DNAH11: variants seen among roughly 807,000 people sequenced by gnomAD.
DNAH11 encodes the protein dynein axonemal heavy chain 11.
A neutral mutation model predicts 526.0 loss-of-function variants in DNAH11; 442 were observed. That is an observed-to-expected ratio of 0.84 (90% CI 0.78 to 0.91). The LOEUF (loss-of-function observed/expected upper bound fraction) is 0.91, where lower values mean the gene tolerates loss of function less well. Among genes scored for constraint, DNAH11 ranks in the 40% least tolerant of loss-of-function variants. The probability of loss-of-function intolerance (pLI) is 0.00; values close to 1 mark genes in which losing one functional copy is unlikely to be tolerated. For synonymous variants in DNAH11, 2,461 were observed against 1,935.9 expected (o/e 1.27, Z -7.12); for missense variants, 6,989 against 5,448.7 (o/e 1.28, Z -8.90).
At position 21,580,584 on chromosome 7, in the gene DNAH11, C is replaced by A. The variant is rs556686462; in HGVS notation, c.1594-1321C>A. On this transcript the variant is annotated intron_variant, in intron 8 of 81. Transcript: ENST00000409508. ...TTTCAGAGGCTGAGAAGTCCAAGAGCAAGGCTCCCGCAGGTTCAGTGTCTG... is the reference window on the plus strand; with the variant it reads ...TTTCAGAGGCTGAGAAGTCCAAGAGAAAGGCTCCCGCAGGTTCAGTGTCTG... 3.3e-5 allele frequency among the ~76,000 whole-genome samples: 5 copies of A among 152,288 alleles called. No homozygotes were observed. In the South Asian group the frequency reaches 8.3e-4, roughly 25 times the overall value.
intron 8 of DNAH11, among the ~76,000 whole-genome samples, chr7:21,575,565 T>C (rs1352552326): frequency 6.6e-6 from 1 of 152,246 alleles, no homozygotes; most frequent in Non-Finnish European, 1.5e-5. Flanking sequence ...TTTCATGTTT[T>C]GCCTGCCTAT....
intron 66 of DNAH11, among the ~76,000 whole-genome samples, chr7:21,843,061 C>G (rs977931769): frequency 4.6e-5 from 7 of 152,174 alleles, no homozygotes; most frequent in African/African-American, 1.4e-4. Flanking sequence ...ACTAATTTAG[C>G]CTGGGCTAAA....
intron 42 of DNAH11, among the ~76,000 whole-genome samples, chr7:21,717,094 T>C (rs779829505): frequency 6.6e-6 from 1 of 152,198 alleles, no homozygotes; most frequent in Non-Finnish European, 1.5e-5. Flanking sequence ...CCCTGTAGAC[T>C]ACTATAGGTG....
At chr7:21,642,686 C>G (rs1787181801) in intron 28 of DNAH11, among the ~76,000 whole-genome samples, 1 of 152,138 alleles carries the variant, frequency 6.6e-6, no homozygotes. Context: ...TTGTGAATGA[C>G]TTGAATTTTC....
Position 21,617,716 on chromosome 7 carries a change from C to G in DNAH11, c.4193C>G (p.Thr1398Arg), listed in dbSNP as rs757118279. The G allele has an allele frequency of 6.2e-7, 1 of 1,613,516 alleles. No homozygotes were observed. The change falls in exon 23 of 82, where the codon ACA becomes AGA. Residue 1398 changes from threonine to arginine, a missense_variant. Transcript: ENST00000409508. ...ATGACAGCCTCCCTGAGGGCCATCA[C>G]AGAGTTACAGAGCCCTGCCCTCAGG... Reference protein sequence around the residue: ...KDMTASLRAITELQSPALRDR... With the variant: ...KDMTASLRAIRELQSPALRDR...
chr7:21,790,035 C>T (rs969450119), intron 61 of DNAH11, among the ~76,000 whole-genome samples: 3 of 151,328 alleles, frequency 2.0e-5, no homozygotes, highest in East Asian at 3.9e-4. Context: ...TTAAGCCTGT[C>T]ATTCATTAGC....
chr7:21,808,028 G>C lies in DNAH11; in HGVS notation c.10311G>C (p.Trp3437Cys). 1 of 1,550,196 alleles carries C rather than the reference G, an allele frequency of 6.5e-7. No individual in the cohort carries two copies. Among genetic ancestry groups the C allele is most frequent in the Non-Finnish European group, 8.8e-7 (1 of 1,137,942 alleles). The part of the protein sequence containing the change: ...QYRQELVHCK[W>C]VPFLQQKVSI... ...GCCAGGAGCTGGTGCACTGCAAGTGGGTTCCCTTTCTTCAACAGAAGGTAA... is the reference window on the plus strand; with the variant it reads ...GCCAGGAGCTGGTGCACTGCAAGTGCGTTCCCTTTCTTCAACAGAAGGTAA... Residue 3437 changes from tryptophan (W) to cysteine (C), a missense_variant, in exon 63 of 82, where the codon TGG becomes TGC. Physicochemically the swap from Trp to Cys is radical, Grantham distance 215. Coordinates refer to ENST00000409508, the MANE Select transcript of DNAH11 (RefSeq NM_001277115.2).
At chr7:21,680,019 G>A (rs758843342) in intron 30 of DNAH11, among the ~76,000 whole-genome samples, 8 of 152,174 alleles carry the variant, frequency 5.3e-5, no homozygotes, top group South Asian at 2.1e-4. Context: ...GATCAGCAAC[G>A]TGCTTAGTCA....
At chr7:21,822,015 C>G (rs1192757543) in intron 65 of DNAH11, among the ~76,000 whole-genome samples, 1 of 152,016 alleles carries the variant, frequency 6.6e-6, no homozygotes, top group Non-Finnish European at 1.5e-5. Context: ...CCAGTTCCAT[C>G]CATGTTGCTG....
At chr7:21,866,329 A>AAC in intron 70 of DNAH11, 141 bp from the exon 71 acceptor site, 1 of 693,668 alleles carries the variant, frequency 1.4e-6, no homozygotes, top group Non-Finnish European at 2.2e-6. Context: ...GCAAAAAAAA[A>AAC]AAAAAAGGAA....
intron 8 of DNAH11, among the ~76,000 whole-genome samples, chr7:21,580,195 C>T (rs1273439615): frequency 6.6e-6 from 1 of 152,154 alleles, no homozygotes; most frequent in African/African-American, 2.4e-5. Context: ...ATATTTTTCT[C>T]TCCCTGAGAT....
chr7:21,776,041 A>G (rs968274515), intron 56 of DNAH11, among the ~76,000 whole-genome samples: 4 of 152,208 alleles, frequency 2.6e-5, no homozygotes, highest in African/African-American at 9.7e-5. Context: ...AGCCACAGGA[A>G]AAAAGAAGAG....
chr7:21,674,297 C>G (rs1782772227), intron 30 of DNAH11, among the ~76,000 whole-genome samples: 3 of 152,070 alleles, frequency 2.0e-5, no homozygotes, highest in Non-Finnish European at 2.9e-5. Context: ...CTCAGGTGAT[C>G]CACCCACCCT....
intron 81 of DNAH11, 196 bp from the exon 82 acceptor site, chr7:21,900,811 A>G: frequency 1.3e-6 from 1 of 757,846 alleles, no homozygotes; most frequent in Non-Finnish European, 2.0e-6. Flanking sequence ...GCATGGAAGC[A>G]AAGCGGTGCC....
chr7:21,701,860 T>G (rs748893656), intron 36 of DNAH11, among the ~76,000 whole-genome samples: 18 of 152,196 alleles, frequency 1.2e-4, no homozygotes, highest in Non-Finnish European at 1.8e-4. Flanking sequence ...AGGTAAAGTG[T>G]CTTTCCCATA....
chr7:21,645,113 T>C (rs763628308), intron 28 of DNAH11, among the ~76,000 whole-genome samples: 1 of 152,240 alleles, frequency 6.6e-6, no homozygotes, highest in Non-Finnish European at 1.5e-5. Context: ...AAGTAAAATA[T>C]CACTTCAATG....
intron 9 of DNAH11, among the ~76,000 whole-genome samples, chr7:21,587,560 G>T (rs1225345723): frequency 6.6e-6 from 1 of 152,122 alleles, no homozygotes; most frequent in African/African-American, 2.4e-5. Context: ...GGACACTGTT[G>T]GGGGTGGCTG....
intron 76 of DNAH11, among the ~76,000 whole-genome samples, chr7:21,884,887 A>G (rs1217063825): frequency 1.3e-5 from 2 of 152,136 alleles, no homozygotes; most frequent in Admixed American, 1.3e-4. Flanking sequence ...GTCCTAGAAA[A>G]TAGTCTACAG....
chr7:21,563,521 T>C (rs1783546512), intron 5 of DNAH11, among the ~76,000 whole-genome samples: 1 of 152,138 alleles, frequency 6.6e-6, no homozygotes, highest in Admixed American at 6.5e-5. Flanking sequence ...AAAAAATATT[T>C]ACCATGCTTA....
Sources: gnomAD v4.1 joint callset for allele counts (sites outside exome capture counted in the v4.1 genomes callset) on GRCh38, gnomAD v4.1.1 for gene constraint, MANE v1.5 for transcripts, NCBI Gene and HGNC (gene_info 2026-07-23, HGNC 2026-07-21) for gene names.